Variants in JMJD1C observed in about 807,000 individuals in gnomAD.
JMJD1C encodes jumonji domain containing 1C.
A neutral mutation model predicts 245.3 loss-of-function variants in JMJD1C; 31 were observed. The observed-to-expected ratio is 0.13, with a 90% CI of 0.09 to 0.17. JMJD1C has a LOEUF of 0.17. Ranked by LOEUF, JMJD1C falls within the 10% of genes least tolerant of loss-of-function variation. The pLI is 1.00. For missense variants in JMJD1C, 2,691 were observed against 3,000.2 expected, an observed-to-expected ratio of 0.90 and a Z score of 2.41; for synonymous variants, 1,057 against 1,017.4, an observed-to-expected ratio of 1.04 and a Z score of -0.74.
chr10:63,344,465 G>C (rs1943638464), intron 2 of JMJD1C, among the ~76,000 whole-genome samples: 1 of 152,036 alleles, frequency 6.6e-6, no homozygotes, highest in Non-Finnish European at 1.5e-5. Flanking sequence ...TTCTCAGAAT[G>C]TATCCCCTCC....
At chr10:63,283,833 A>G (rs1857672148) in intron 2 of JMJD1C, among the ~76,000 whole-genome samples, 1 of 152,024 alleles carries the variant, frequency 6.6e-6, no homozygotes, top group Admixed American at 6.6e-5. Context: ...TACATAATTC[A>G]GTGTAAAAAA....
chr10:63,225,780 CAAA>C (rs36089482), intron 3 of JMJD1C, among the ~76,000 whole-genome samples: 2 of 94,604 alleles, frequency 2.1e-5, no homozygotes, highest in Admixed American at 1.1e-4. Context: ...ACTGCATCTC[CAAA>C]AAAAAAAAAA....
intron 1 of JMJD1C, among the ~76,000 whole-genome samples, chr10:63,435,574 G>A (rs1008987109): frequency 6.6e-6 from 1 of 152,110 alleles, no homozygotes; most frequent in Non-Finnish European, 1.5e-5. Flanking sequence ...GTCCCACATA[G>A]TGACTCCTGA....
At chr10:63,509,775 A>G (rs1412757176) in intron 1 of JMJD1C, among the ~76,000 whole-genome samples, 1 of 152,142 alleles carries the variant, frequency 6.6e-6, no homozygotes, top group African/African-American at 2.4e-5. Context: ...TTTTGATATT[A>G]GTAATTTGTA....
Position 63,343,800 on chromosome 10 carries a change from G to A in JMJD1C, c.333+36518C>T, listed in dbSNP as rs561752024. On this transcript the variant is annotated intron_variant, in intron 2 of 25. Transcript: ENST00000399262. ...CAACTATAATCCCATAACTTTGGGAGGCTGAGGTGGGTAGATCACTGGAGC... is the reference window on the plus strand; with the variant it reads ...CAACTATAATCCCATAACTTTGGGAAGCTGAGGTGGGTAGATCACTGGAGC... Among the ~76,000 whole-genome samples, 3 of 152,266 alleles carry A rather than the reference G, an allele frequency of 2.0e-5. No homozygotes were observed. The South Asian group carries it at 6.2e-4, about 32-fold the overall frequency.
chr10:63,306,324 G>A (rs1429287821), intron 2 of JMJD1C, among the ~76,000 whole-genome samples: 3 of 152,116 alleles, frequency 2.0e-5, no homozygotes, highest in Non-Finnish European at 4.4e-5. Context: ...TACTGGCCTC[G>A]AATGATCTGC....
chr10:63,438,538 C>T (rs905040644), intron 1 of JMJD1C, among the ~76,000 whole-genome samples: 1 of 152,144 alleles, frequency 6.6e-6, no homozygotes, highest in Non-Finnish European at 1.5e-5. Flanking sequence ...CTTCCCATCT[C>T]ATCCAGAATG....
intron 9 of JMJD1C, 114 bp downstream of exon 9, chr10:63,208,949 C>T (rs979287242): frequency 1.6e-5 from 18 of 1,120,576 alleles, no homozygotes; most frequent in Non-Finnish European, 2.3e-5. Context: ...AATATCAAAA[C>T]AGAACAAAGC....
At chr10:63,295,931 G>A (rs1450427377) in intron 2 of JMJD1C, among the ~76,000 whole-genome samples, 2 of 86,484 alleles carry the variant, frequency 2.3e-5, no homozygotes, top group Non-Finnish European at 4.7e-5. Flanking sequence ...ACATGTACAT[G>A]TGTATACATA....
chr10:63,178,101 C>T (rs1397768987), intron 22 of JMJD1C, among the ~76,000 whole-genome samples: 1 of 152,076 alleles, frequency 6.6e-6, no homozygotes, highest in Non-Finnish European at 1.5e-5. Flanking sequence ...CTGTCACACC[C>T]GACTAATTGT....
intron 2 of JMJD1C, among the ~76,000 whole-genome samples, chr10:63,317,761 G>T (rs755974876): frequency 2.2e-4 from 34 of 152,164 alleles, no homozygotes; most frequent in Non-Finnish European, 4.7e-4. Context: ...ATTCTATTCA[G>T]TGTGCCCCGT....
chr10:63,339,387 C>T (rs1402753892), intron 2 of JMJD1C, among the ~76,000 whole-genome samples: 1 of 152,106 alleles, frequency 6.6e-6, no homozygotes, highest in African/African-American at 2.4e-5. Context: ...AAAAATAACA[C>T]TTGCATATAC....
chr10:63,262,037 A>G (rs1436915888), intron 3 of JMJD1C, among the ~76,000 whole-genome samples: 3 of 152,228 alleles, frequency 2.0e-5, no homozygotes, highest in East Asian at 3.8e-4. Flanking sequence ...CCATATTAAG[A>G]AACTGCCTCA....
At chr10:63,399,369 G>C (rs964493323) in intron 1 of JMJD1C, among the ~76,000 whole-genome samples, 10 of 152,090 alleles carry the variant, frequency 6.6e-5, no homozygotes, top group African/African-American at 2.4e-4. Context: ...TTTTCTGCGG[G>C]AAACAGTGTT....
chr10:63,395,983 T>C (rs757483640), intron 1 of JMJD1C, among the ~76,000 whole-genome samples: 1 of 152,142 alleles, frequency 6.6e-6, no homozygotes, highest in Non-Finnish European at 1.5e-5. Context: ...AGGGGAGTGA[T>C]TGCACTGTTC....
chr10:63,415,530 A>G (rs1949749331), intron 1 of JMJD1C, among the ~76,000 whole-genome samples: 1 of 152,196 alleles, frequency 6.6e-6, no homozygotes, highest in African/African-American at 2.4e-5. Context: ...TTAAATTTTA[A>G]TTTAGCATAT....
chr10:63,324,446 A>G (rs915192994), intron 2 of JMJD1C, among the ~76,000 whole-genome samples: 2 of 152,334 alleles, frequency 1.3e-5, no homozygotes, highest in Admixed American at 6.5e-5. Context: ...TTGCTCCAAG[A>G]AAGTTCCTGC....
chr10:63,515,506 C>T (rs571146291), intron 1 of JMJD1C, among the ~76,000 whole-genome samples: 1 of 152,270 alleles, frequency 6.6e-6, no homozygotes, highest in South Asian at 2.1e-4. Context: ...CACACTGAGC[C>T]TCCAGCAACT....
chr10:63,369,024 G>A (rs968597554), intron 2 of JMJD1C, among the ~76,000 whole-genome samples: 7 of 152,082 alleles, frequency 4.6e-5, no homozygotes, highest in Non-Finnish European at 8.8e-5. Flanking sequence ...CCTCCTCAGG[G>A]TGTAATAATG....
Sources: allele counts gnomAD v4.1 joint callset (sites outside exome capture counted in the v4.1 genomes callset), GRCh38; gene constraint gnomAD v4.1.1; transcripts MANE v1.5; gene names NCBI Gene and HGNC (gene_info 2026-07-23, HGNC 2026-07-21).